Variants in USP25 observed in about 807,000 individuals in gnomAD.
USP25 encodes ubiquitin specific peptidase 25, also known as ubiquitin carboxyl-terminal hydrolase 25.
Under a neutral mutation model 158.5 loss-of-function variants are expected in USP25, and 85 were observed. The observed-to-expected ratio is 0.54, with a 90% confidence interval of 0.45 to 0.64. The LOEUF (loss-of-function observed/expected upper bound fraction) is 0.64. Ranked by LOEUF, USP25 falls within the 30% of genes least tolerant of loss-of-function variation. The pLI is 0.00. For synonymous variants in USP25, 464 were observed against 460.4 expected (o/e 1.01, Z -0.10); for missense variants, 1,242 against 1,327.3 (o/e 0.94, Z 1.00).
chr21:15,797,346 T>C (rs970050514), intron 5 of USP25, among the ~76,000 whole-genome samples: 37 of 151,080 alleles, frequency 2.4e-4, no homozygotes, highest in African/African-American at 8.7e-4. Flanking sequence ...AACAAATAAC[T>C]ATAGACAAAG....
intron 15 of USP25, among the ~76,000 whole-genome samples, chr21:15,831,141 C>A (rs992921893): frequency 2.0e-5 from 3 of 152,162 alleles, no homozygotes; most frequent in Non-Finnish European, 2.9e-5. Flanking sequence ...AGTATGTACA[C>A]AATAAATACA....
chr21:15,787,020 A>G (rs983045619), intron 4 of USP25, among the ~76,000 whole-genome samples: 2 of 152,114 alleles, frequency 1.3e-5, no homozygotes, highest in South Asian at 2.1e-4. Context: ...AAGAGCTACA[A>G]AAAATCTAGA....
chr21:15,793,373 T>C (rs2035694821), intron 5 of USP25, among the ~76,000 whole-genome samples: 1 of 151,564 alleles, frequency 6.6e-6, no homozygotes, highest in Non-Finnish European at 1.5e-5. Context: ...AGCAGCTCAG[T>C]TTAATCTTGA....
chr21:15,803,509 A>C (rs541510633), intron 6 of USP25, among the ~76,000 whole-genome samples: 2 of 151,896 alleles, frequency 1.3e-5, no homozygotes, highest in African/African-American at 2.4e-5. Context: ...AAACCATATT[A>C]TCATCTCTGT....
rs2040057729 is a variant in USP25 at position 15,875,291 on chromosome 21, CCTGATGGTTCCT to C, written c.3009+770_3009+781del. ...ACTTTAAACATACATAGAACCAAAACCTGATGGTTCCTCTGAAACCTTCAAAAAATGGTATAA... is the reference window on the plus strand; with the variant it reads ...ACTTTAAACATACATAGAACCAAAACCTGAAACCTTCAAAAAATGGTATAA... On this transcript the variant is annotated intron_variant, in intron 24 of 25. Transcript: ENST00000400183. This position sits in a 1 kb window ranked among gnomAD's most constrained non-coding sequence, Gnocchi z 4.7. 6.6e-6 allele frequency among the ~76,000 whole-genome samples: 1 copy of C among 152,126 alleles called. No homozygotes were observed. Among genetic ancestry groups the C allele is most frequent in the African/African-American group, 2.4e-5 (1 of 41,418 alleles).
chr21:15,771,266 G>T (rs938895578), intron 3 of USP25, among the ~76,000 whole-genome samples: 21 of 152,138 alleles, frequency 1.4e-4, no homozygotes, highest in African/African-American at 4.6e-4. Flanking sequence ...GTGCTTGTGG[G>T]CTGGGCATAG....
chr21:15,763,761 A>G (rs2033874725), intron 2 of USP25, among the ~76,000 whole-genome samples: 1 of 152,208 alleles, frequency 6.6e-6, no homozygotes, highest in Non-Finnish European at 1.5e-5. Context: ...GATGATTATA[A>G]TAAAAGTCAT....
At chr21:15,751,874 C>T (rs1440101447) in intron 1 of USP25, among the ~76,000 whole-genome samples, 4 of 152,130 alleles carry the variant, frequency 2.6e-5, no homozygotes, top group South Asian at 2.1e-4. Flanking sequence ...AGTTTCTACT[C>T]ATGATGTATT....
chr21:15,835,705 G>A (rs758935478), intron 17 of USP25, among the ~76,000 whole-genome samples: 9 of 152,142 alleles, frequency 5.9e-5, no homozygotes, highest in South Asian at 2.1e-4. Flanking sequence ...ACCTTTCAGC[G>A]TGGGTTATTT....
At chr21:15,792,071 A>G (rs1176392045) in intron 5 of USP25, among the ~76,000 whole-genome samples, 1 of 151,772 alleles carries the variant, frequency 6.6e-6, no homozygotes, top group Non-Finnish European at 1.5e-5. Flanking sequence ...TTATAGAATT[A>G]TAGACACTTA....
rs1407732826 is a variant in USP25 at position 15,824,970 on chromosome 21, A to C, written c.1213A>C (p.Met405Leu). 6.8e-6 allele frequency: 11 copies of C among 1,606,494 alleles called. No homozygotes were observed. In the Admixed American group the frequency reaches 8.4e-5, roughly 12 times the overall value. ...FPQVLYLDRY[M>L]HRNREITRIK... ...ATGATTACCTTTTTCTGATAGATAC[A>C]TGCACAGAAACAGAGAAATAACAAG... The change falls in exon 12 of 26, where the codon ATG becomes CTG. Residue 405 changes from methionine (M) to leucine (L), a missense_variant. Physicochemically the swap from Met to Leu is conservative, Grantham distance 15 (BLOSUM62 2). Transcript: ENST00000400183.
Position 15,826,298 on chromosome 21 carries a change from TCTC to T in USP25, c.1402_1404del (p.Pro468del). 1 of 1,614,106 alleles carries T rather than the reference TCTC, an allele frequency of 6.2e-7. No individual in the cohort carries two copies. Among genetic ancestry groups the T allele is most frequent in the Non-Finnish European group, 8.5e-7 (1 of 1,179,984 alleles). On this transcript the variant is annotated inframe_deletion, in exon 13 of 26. Coordinates refer to ENST00000400183, the MANE Select transcript of USP25 (RefSeq NM_001283041.3). This position sits in a 1 kb window ranked among gnomAD's most constrained non-coding sequence, Gnocchi z 4.8. ...TGCCTCAAGTAAACCTGTTTGCACT[TCTC>T]CTGTTGACGATATTGACGCTAGTTC...
chr21:15,785,448 G>A (rs9984675), intron 4 of USP25, among the ~76,000 whole-genome samples: 3,906 of 152,162 alleles, frequency 0.026, 173 homozygotes, highest in African/African-American at 0.086. Flanking sequence ...AGTAAAGATC[G>A]TATGTTAGAG....
Position 15,787,937 on chromosome 21 carries a change from T to G in USP25, c.393-3565T>G, listed in dbSNP as rs368875912. On this transcript the variant is annotated intron_variant, in intron 4 of 25. Transcript: ENST00000400183. ...CAAGTAAAACCACCGTGTAATAAAA[T>G]TTAATGGAAACATGATGATCTACCA... is the stretch of plus-strand genomic sequence containing the variant. Among the ~76,000 whole-genome samples, 6 of 86,486 alleles carry G rather than the reference T, an allele frequency of 6.9e-5. No individual in the cohort carries two copies. The East Asian group carries it at 2.0e-3, about 29-fold the overall frequency. 56.7% of individuals were successfully genotyped at this position (86,486 alleles called of 152,430 possible).
intron 5 of USP25, among the ~76,000 whole-genome samples, chr21:15,797,997 A>G (rs1413615166): frequency 6.6e-6 from 1 of 151,288 alleles, no homozygotes; most frequent in Non-Finnish European, 1.5e-5. Context: ...CATAATATAT[A>G]TGGAGTTCAG....
intron 4 of USP25, among the ~76,000 whole-genome samples, chr21:15,785,608 T>C (rs1209654062): frequency 6.6e-6 from 1 of 152,006 alleles, no homozygotes; most frequent in African/African-American, 2.4e-5. Context: ...ATTAGAAAGT[T>C]CCCTGGGACA....
At chr21:15,871,467 G>T (rs933516387) in intron 23 of USP25, among the ~76,000 whole-genome samples, 2 of 152,154 alleles carry the variant, frequency 1.3e-5, no homozygotes, top group Admixed American at 1.3e-4. Flanking sequence ...TCACAGAGAT[G>T]TAGTAACTTT....
rs976340330 is a variant in USP25, at chr21:15,859,244, G to A, written c.2548-5024G>A. On this transcript the variant is annotated intron_variant, in intron 20 of 25. Coordinates refer to ENST00000400183, the MANE Select transcript of USP25 (RefSeq NM_001283041.3). ...GTCTCGCTCTGTCGCCCAGGCTGGA[G>A]TGCAGTGGTGCCATCTTGGCTCACT... is the stretch of plus-strand genomic sequence containing the variant. Among the ~76,000 whole-genome samples, 7 of 150,582 alleles carry A rather than the reference G, an allele frequency of 4.6e-5. No homozygotes were observed. In the East Asian group the frequency reaches 1.2e-3, roughly 25 times the overall value.
chr21:15,743,888 G>C (rs1315972234), intron 1 of USP25: 1 of 155,134 alleles, frequency 6.4e-6, no homozygotes, highest in Non-Finnish European at 1.5e-5. Context: ...GGCCTCCTGG[G>C]GTCAGTGGAC....
Sources: gnomAD v4.1 joint callset for allele counts (sites outside exome capture counted in the v4.1 genomes callset) on GRCh38, gnomAD v4.1.1 for gene constraint, Gnocchi (gnomAD v3.1) non-coding constraint, MANE v1.5 for transcripts, NCBI Gene and HGNC (gene_info 2026-07-23, HGNC 2026-07-21) for gene names.